Variants in ZFYVE16 observed in about 807,000 individuals in gnomAD.
ZFYVE16 encodes the protein zinc finger FYVE domain-containing protein 16.
ZFYVE16 carries 89 observed loss-of-function variants against 138.1 expected under a neutral mutation model. That is an observed-to-expected ratio of 0.64 (90% CI 0.54 to 0.77). ZFYVE16 has a LOEUF of 0.77. Among genes scored for constraint, ZFYVE16 ranks in the 30% least tolerant of loss-of-function variants. The pLI is 0.00. For synonymous variants in ZFYVE16, 596 were observed against 618.3 expected, an observed-to-expected ratio of 0.96 and a Z score of 0.53; for missense variants, 1,793 against 1,786.7, an observed-to-expected ratio of 1.00 and a Z score of -0.06.
At chr5:80,467,633 C>T (rs1488577753) in intron 15 of ZFYVE16, among the ~76,000 whole-genome samples, 1 of 152,178 alleles carries the variant, frequency 6.6e-6, no homozygotes, top group Non-Finnish European at 1.5e-5. Flanking sequence ...CAAAAACAAA[C>T]TCTGTGAAGA....
At chr5:80,444,053 A>G in intron 6 of ZFYVE16, 1 of 319,896 alleles carries the variant, frequency 3.1e-6, no homozygotes, top group South Asian at 2.7e-5. Flanking sequence ...GTCATCAATT[A>G]GCATCTTGGG....
chr5:80,456,029 A>G (rs376367114), intron 12 of ZFYVE16: 50 of 409,550 alleles, frequency 1.2e-4, no homozygotes, highest in East Asian at 9.8e-4. Context: ...CAGTTCTTGG[A>G]TATTTAGGTA....
chr5:80,445,022 T>C (rs1751142033), intron 6 of ZFYVE16, among the ~76,000 whole-genome samples: 1 of 152,136 alleles, frequency 6.6e-6, no homozygotes, highest in African/African-American at 2.4e-5. Context: ...TGTCCATTCC[T>C]TTTCATAGTA....
chr5:80,442,695 G>A (rs1580241832), intron 5 of ZFYVE16, among the ~76,000 whole-genome samples: 1 of 152,178 alleles, frequency 6.6e-6, no homozygotes, highest in African/African-American at 2.4e-5. Context: ...GTTGGGTCTT[G>A]TGAGCCATTG....
chr5:80,438,510 C>G lies in ZFYVE16; in HGVS notation c.1825C>G (p.Leu609Val), dbSNP rs143850141. Reference sequence around the variant, plus strand: ...TAAACAAAATACAATAGAAAATGGCCTTTCTTTAGGAGAAAAAAGCACTAT... The same window carrying G: ...TAAACAAAATACAATAGAAAATGGCGTTTCTTTAGGAGAAAAAAGCACTAT... ...VDKQNTIENG[L>V]SLGEKSTIPV... Residue 609 changes from leucine to valine, a missense_variant, in exon 4 of 19, where the codon CTT becomes GTT. Leu to Val is a conservative substitution (Grantham distance 32). Coordinates refer to ENST00000505560, the MANE Select transcript of ZFYVE16 (RefSeq NM_001284236.3). The G allele has an allele frequency of 5.7e-4, 913 of 1,613,560 alleles. 6 individuals are homozygous for G. The African/African-American group carries it at 0.011, about 19-fold the overall frequency.
rs748891653 is a variant in ZFYVE16, at chr5:80,436,836, C to T, written c.151C>T (p.Gln51Ter). ...AGTTTCTTCAGAGTTGGCTTCCTCA[C>T]AGCGAACTTCATTGCTCCCAAAAGA... ...CSVSSELASS[Q>*]RTSLLPKDQE... The change falls in exon 4 of 19, where the codon CAG becomes TAG. Residue 51 changes from glutamine (Q) to a stop codon, truncating the protein, a stop_gained. Coordinates refer to ENST00000505560, the MANE Select transcript of ZFYVE16 (RefSeq NM_001284236.3). LOFTEE classifies it high-confidence loss of function. 2.5e-6 allele frequency: 4 copies of T among 1,614,026 alleles called. No homozygotes were observed. Among genetic ancestry groups the T allele is most frequent in the African/African-American group, 1.3e-5 (1 of 74,926 alleles).
chr5:80,442,040 A>G lies in ZFYVE16; in HGVS notation c.2420-1083A>G, dbSNP rs139027380. 2.0e-3 allele frequency: 1,112 copies of G among 566,278 alleles called. 10 individuals are homozygous for G. The African/African-American group carries it at 0.021, about 10-fold the overall frequency. 35.1% of individuals were successfully genotyped at this position (566,278 alleles called of 1,614,324 possible). ...AACAAAAAGATATCAGATGGTGATA[A>G]TACCCTAAATTAAAAAATTTAAAAA... On this transcript the variant is annotated intron_variant, in intron 5 of 18. Transcript: ENST00000505560.
At chr5:80,415,873 G>T (rs992375112) in intron 1 of ZFYVE16, among the ~76,000 whole-genome samples, 1 of 152,060 alleles carries the variant, frequency 6.6e-6, no homozygotes, top group East Asian at 1.9e-4. Flanking sequence ...TCGCCATGTT[G>T]ATTAGGCTGG....
Position 80,436,665 on chromosome 5 carries a change from G to A in ZFYVE16, c.71-91G>A, listed in dbSNP as rs1003244199. On this transcript the variant is annotated intron_variant, in intron 3 of 18. Transcript: ENST00000505560. ...ATAATCTATGTTCTTTTAAAAAAGT[G>A]TATTTAGTTTAGAAGTCTTGGGAAA... 5.2e-6 allele frequency: 6 copies of A among 1,146,960 alleles called. No individual in the cohort carries two copies. In the African/African-American group the frequency reaches 7.8e-5, roughly 15 times the overall value. 71.0% of individuals were successfully genotyped at this position (1,146,960 alleles called of 1,614,324 possible).
intron 1 of ZFYVE16, among the ~76,000 whole-genome samples, chr5:80,411,280 C>T (rs1034615498): frequency 5.9e-5 from 9 of 151,440 alleles, no homozygotes; most frequent in African/African-American, 1.9e-4. Flanking sequence ...CCACGCTGGC[C>T]AAGTATATGC....
In ZFYVE16 at chr5:80,467,744, T is replaced by C. The variant is rs145326180; in HGVS notation, c.4025-5017T>C. The stretch of plus-strand genomic sequence containing the variant: ...TGCAAAGAAACAGGAAAATGTGGTC[T>C]ATACCTGAAGGGAAAAGCAAGTAAC... On this transcript the variant is annotated intron_variant, in intron 15 of 18. Coordinates refer to ENST00000505560, the MANE Select transcript of ZFYVE16 (RefSeq NM_001284236.3). Among the ~76,000 whole-genome samples the C allele has an allele frequency of 4.5e-3, 687 of 152,318 alleles. 2 individuals are homozygous for C. The highest frequency in any genetic ancestry group is 0.015 in the African/African-American group (627 of 41,570).
chr5:80,463,301 G>T (rs1420249219), intron 15 of ZFYVE16, among the ~76,000 whole-genome samples: 1 of 152,148 alleles, frequency 6.6e-6, no homozygotes, highest in African/African-American at 2.4e-5. Flanking sequence ...CACAATTCTT[G>T]ACTTCTGTAC....
At chr5:80,469,377 A>C (rs1366106300) in intron 15 of ZFYVE16, among the ~76,000 whole-genome samples, 3 of 151,352 alleles carry the variant, frequency 2.0e-5, no homozygotes, top group African/African-American at 7.3e-5. Flanking sequence ...AGTAGTTGGG[A>C]CTACAAGCAC....
At chr5:80,439,557 A>G (rs1262331291) in intron 4 of ZFYVE16, among the ~76,000 whole-genome samples, 1 of 148,252 alleles carries the variant, frequency 6.7e-6, no homozygotes, top group Non-Finnish European at 1.5e-5. Flanking sequence ...TTTCAGTAAT[A>G]TGTTGGTTTC....
intron 11 of ZFYVE16, chr5:80,454,825 T>C (rs911442438): frequency 2.6e-5 from 4 of 152,170 alleles, no homozygotes; most frequent in Non-Finnish European, 5.9e-5. Context: ...ATATTTCTTT[T>C]ATCATGCTGA....
chr5:80,407,619 G>A (rs540171284), upstream of ZFYVE16, among the ~76,000 whole-genome samples: 2 of 152,326 alleles, frequency 1.3e-5, no homozygotes, highest in South Asian at 2.1e-4. Context: ...TATGTTTTCC[G>A]AGGGGCCAGC....
Position 80,437,873 on chromosome 5 carries a change from T to C in ZFYVE16, c.1188T>C (p.Asp396=). ...GSLIESKARG[D]FLPQHEHKDN... ...TAATTGAAAGTAAAGCACGGGGTGA[T>C]TTTTTACCTCAGCATGAACATAAAG... Residue 396 remains aspartate (D), a synonymous_variant, in exon 4 of 19, where the codon GAT becomes GAC. Transcript: ENST00000505560. 2.5e-6 allele frequency: 4 copies of C among 1,614,058 alleles called. No homozygotes were observed. Among genetic ancestry groups the C allele is most frequent in the Non-Finnish European group, 3.4e-6 (4 of 1,179,970 alleles).
At chr5:80,467,613 C>G (rs1273512350) in intron 15 of ZFYVE16, among the ~76,000 whole-genome samples, 3 of 152,184 alleles carry the variant, frequency 2.0e-5, no homozygotes, top group African/African-American at 7.2e-5. Context: ...CACATAACAA[C>G]AAACAGCAAC....
intron 1 of ZFYVE16, among the ~76,000 whole-genome samples, chr5:80,418,818 T>C (rs1746643944): frequency 6.6e-6 from 1 of 152,206 alleles, no homozygotes; most frequent in Non-Finnish European, 1.5e-5. Context: ...ACTGGTATTG[T>C]ATTTAAAAAC....
Sources: gnomAD v4.1 joint callset for allele counts (sites outside exome capture counted in the v4.1 genomes callset) on GRCh38, gnomAD v4.1.1 for gene constraint, MANE v1.5 for transcripts, NCBI Gene and HGNC (gene_info 2026-07-23, HGNC 2026-07-21) for gene names.